The following RAPGEF1 variants were observed in gnomAD, a reference collection of about 807,000 sequenced individuals.
The protein encoded by RAPGEF1 is CRK SH3-binding GNRP.
In RAPGEF1, 33 loss-of-function variants were observed where a neutral mutation model predicts 143.3. That is an observed-to-expected ratio of 0.23 (90% CI 0.17 to 0.31). RAPGEF1 has a LOEUF of 0.31. Ranked by LOEUF, RAPGEF1 falls within the 10% of genes least tolerant of loss-of-function variation. RAPGEF1 has a pLI of 1.00. For missense variants in RAPGEF1, 1,199 were observed against 1,645.4 expected, an observed-to-expected ratio of 0.73 and a Z score of 4.69; for synonymous variants, 629 against 676.5, an observed-to-expected ratio of 0.93 and a Z score of 1.09.
Position 131,584,455 on chromosome 9 carries a change from G to A in RAPGEF1, c.3313-43C>T, listed in dbSNP as rs2132128396. The stretch of plus-strand genomic sequence containing the variant: ...GTGCCGTGAGGCAGGAGGGCAGGCG[G>A]GTCCCGGGCTCCCAGAGCAGGGACT... On this transcript the variant is annotated intron_variant, in intron 23 of 26. Transcript: ENST00000683357. The surrounding 1 kb of genome is among the most constrained non-coding windows in gnomAD (Gnocchi z 6.8). The A allele has an allele frequency of 6.2e-7, 1 of 1,612,638 alleles. No homozygotes were observed.
At chr9:131,609,200 C>A (rs567370234) in intron 12 of RAPGEF1, among the ~76,000 whole-genome samples, 1 of 152,216 alleles carries the variant, frequency 6.6e-6, no homozygotes, top group South Asian at 2.1e-4. Context: ...AGGACGAGAA[C>A]AACTATTCCT....
At chr9:131,739,500 G>C (rs1231341597) in intron 1 of RAPGEF1, among the ~76,000 whole-genome samples, 1 of 151,736 alleles carries the variant, frequency 6.6e-6, no homozygotes, top group Non-Finnish European at 1.5e-5. Flanking sequence ...CCCGGGGACC[G>C]CGGAGCGGCT....
In RAPGEF1 at chr9:131,650,753, C is replaced by T; in HGVS notation, c.201+57G>A. On this transcript the variant is annotated intron_variant, in intron 2 of 26. Transcript: ENST00000683357. This position sits in a 1 kb window ranked among gnomAD's most constrained non-coding sequence, Gnocchi z 4.7. ...CCAGGGAGGGAACATACAAATCGCA[C>T]AAACTCATATTGCTGGAAGCAGGTG... The T allele has an allele frequency of 3.8e-6, 6 of 1,590,948 alleles. No individual in the cohort carries two copies. The highest frequency in any genetic ancestry group is 3.5e-5 in the Admixed American group (2 of 56,774).
chr9:131,644,208 G>C (rs1968889020), intron 3 of RAPGEF1, among the ~76,000 whole-genome samples: 3 of 152,100 alleles, frequency 2.0e-5, no homozygotes, highest in African/African-American at 7.2e-5. Flanking sequence ...TTTTCTCCCT[G>C]ACCGTGGGAG....
rs186664878 is a variant in RAPGEF1 at position 131,598,881 on chromosome 9, G to A, written c.2502-571C>T. Reference sequence around the variant, plus strand: ...GCTCTGTCACCCAGGCTGGAGTGCAGTGGCGCAATCTTGGCTCATCACAAC... The same window carrying A: ...GCTCTGTCACCCAGGCTGGAGTGCAATGGCGCAATCTTGGCTCATCACAAC... On this transcript the variant is annotated intron_variant, in intron 15 of 26. Transcript: ENST00000683357. 1.6e-4 allele frequency among the ~76,000 whole-genome samples: 24 copies of A among 149,248 alleles called. No homozygotes were observed. In the East Asian group the frequency reaches 4.5e-3, roughly 28 times the overall value.
chr9:131,654,843 C>T (rs926819595), intron 1 of RAPGEF1, among the ~76,000 whole-genome samples: 2 of 152,130 alleles, frequency 1.3e-5, no homozygotes, highest in Non-Finnish European at 2.9e-5. Context: ...ACAAAAATAT[C>T]CCAGGAAGAA....
chr9:131,678,920 AT>A (rs1417834492), intron 1 of RAPGEF1, among the ~76,000 whole-genome samples: 1 of 152,126 alleles, frequency 6.6e-6, no homozygotes, highest in African/African-American at 2.4e-5. Context: ...TGGTTTGACC[AT>A]TTCCCCCTGC....
chr9:131,661,021 G>C lies in RAPGEF1; in HGVS notation c.62-10072C>G, dbSNP rs1025183076. Among the ~76,000 whole-genome samples the C allele has an allele frequency of 2.6e-5, 4 of 152,302 alleles. No individual in the cohort carries two copies. The East Asian group carries it at 7.7e-4, about 29-fold the overall frequency. On this transcript the variant is annotated intron_variant, in intron 1 of 26. Transcript: ENST00000683357. The stretch of plus-strand genomic sequence containing the variant: ...CTACCACCACAAACATGCCTGAATA[G>C]ATAAAAAGAAAAAACAGGGAACACT...
intron 26 of RAPGEF1, 83 bp from the exon 27 acceptor site, chr9:131,579,730 CG>C: frequency 6.9e-7 from 1 of 1,446,332 alleles, no homozygotes. Flanking sequence ...GAAGGTGCCG[CG>C]GGGACCATCC....
intron 1 of RAPGEF1, among the ~76,000 whole-genome samples, chr9:131,677,841 G>A (rs1435115258): frequency 6.6e-6 from 1 of 152,180 alleles, no homozygotes; most frequent in African/African-American, 2.4e-5. Context: ...CTTAACACGA[G>A]TCTTGGTCTG....
chr9:131,614,375 C>T (rs734639), intron 12 of RAPGEF1, among the ~76,000 whole-genome samples: 7,948 of 152,320 alleles, frequency 0.052, 608 homozygotes, highest in African/African-American at 0.17. Context: ...ACTTCCCTCC[C>T]ATGGGCCATT....
chr9:131,637,700 G>A (rs1017877445), intron 5 of RAPGEF1, among the ~76,000 whole-genome samples: 2 of 152,134 alleles, frequency 1.3e-5, no homozygotes, highest in African/African-American at 2.4e-5. Context: ...AGCAGCTAAG[G>A]CCTGACTGCT....
At chr9:131,676,829 AAAGTGTGGTCCTG>A (rs1320692424) in intron 1 of RAPGEF1, among the ~76,000 whole-genome samples, 3 of 152,226 alleles carry the variant, frequency 2.0e-5, no homozygotes, top group Non-Finnish European at 2.9e-5. Context: ...AGCGGTTCTC[AAAGTGTGGTCCTG>A]AACCAACAAC....
intron 12 of RAPGEF1, among the ~76,000 whole-genome samples, chr9:131,615,575 C>G (rs938912074): frequency 6.6e-6 from 1 of 152,150 alleles, no homozygotes; most frequent in Non-Finnish European, 1.5e-5. Context: ...GCAGAGCCTG[C>G]GGATGGGGAG....
rs2133320826 is a variant in RAPGEF1 at position 131,643,364 on chromosome 9, G to A, written c.369C>T (p.Tyr123=). 2 of 1,613,866 alleles carry A rather than the reference G, an allele frequency of 1.2e-6. No individual in the cohort carries two copies. The highest frequency in any genetic ancestry group is 1.7e-6 in the Non-Finnish European group (2 of 1,179,866). The change falls in exon 4 of 27, where the codon TAC becomes TAT. Residue 123 remains tyrosine (Y), a synonymous_variant. Coordinates refer to ENST00000683357, the MANE Select transcript of RAPGEF1 (RefSeq NM_001377935.1). ...CCATTTTGTCCACAATGGTCTTAAA[G>A]TAGCGCAGGGCACTGACAACTTCCT... The part of the protein sequence containing the change: ...KEKEVVSALR[Y]FKTIVDKMAI...
chr9:131,593,946 C>A (rs1469475229), intron 17 of RAPGEF1, among the ~76,000 whole-genome samples: 4 of 152,242 alleles, frequency 2.6e-5, no homozygotes, highest in Non-Finnish European at 5.9e-5. Context: ...CTTCGTGGGA[C>A]TCGCTGGTGA....
At chr9:131,683,651 T>C (rs1287308492) in intron 1 of RAPGEF1, among the ~76,000 whole-genome samples, 3 of 152,270 alleles carry the variant, frequency 2.0e-5, no homozygotes, top group Admixed American at 6.5e-5. Context: ...TTTTCATTGT[T>C]TTACAGATGG....
intron 1 of RAPGEF1, among the ~76,000 whole-genome samples, chr9:131,661,882 C>G (rs927944168): frequency 1.3e-5 from 2 of 152,188 alleles, no homozygotes; most frequent in East Asian, 3.8e-4. Context: ...TAAATGTATA[C>G]ATTCTTAGGA....
chr9:131,729,353 T>C (rs1011875561), intron 1 of RAPGEF1, among the ~76,000 whole-genome samples: 1 of 856 alleles, frequency 1.2e-3, no homozygotes, highest in African/African-American at 6.6e-3. Flanking sequence ...GTTGGGTGGG[T>C]GGGTGGGTGG....
Sources: gnomAD v4.1 joint callset for allele counts (sites outside exome capture counted in the v4.1 genomes callset) on GRCh38, gnomAD v4.1.1 for gene constraint, Gnocchi (gnomAD v3.1) non-coding constraint, MANE v1.5 for transcripts, NCBI Gene and HGNC (gene_info 2026-07-23, HGNC 2026-07-21) for gene names.